The following MAGI2 variants were observed in gnomAD, a reference collection of about 807,000 sequenced individuals.
The protein encoded by MAGI2 is membrane associated guanylate kinase, WW and PDZ domain containing 2, also known as membrane-associated guanylate kinase, WW and PDZ domain-containing protein 2.
MAGI2 carries 35 observed loss-of-function variants against 133.3 expected under a neutral mutation model. The ratio of observed to expected loss-of-function variants is 0.26; its 90% CI spans 0.20 to 0.35. The LOEUF (loss-of-function observed/expected upper bound fraction) is 0.35, where lower values mean the gene tolerates loss of function less well. MAGI2 is among the 10% of genes least tolerant of loss of function. MAGI2 has a pLI of 1.00. For missense variants in MAGI2, 1,636 were observed against 1,863.4 expected, an observed-to-expected ratio of 0.88 and a Z score of 2.25; for synonymous variants, 729 against 710.6, an observed-to-expected ratio of 1.03 and a Z score of -0.41.
intron 1 of MAGI2, among the ~76,000 whole-genome samples, chr7:79,143,197 C>T (rs749153548): frequency 1.3e-5 from 2 of 152,126 alleles, no homozygotes; most frequent in Non-Finnish European, 2.9e-5. Flanking sequence ...CACAATTTTA[C>T]ATAGTGCTGC....
At chr7:78,886,243 A>G (rs1384918520) in intron 2 of MAGI2, among the ~76,000 whole-genome samples, 1 of 152,192 alleles carries the variant, frequency 6.6e-6, no homozygotes, top group Non-Finnish European at 1.5e-5. Context: ...AGTTTAGGGG[A>G]CAAATATTTT....
chr7:79,018,413 G>T (rs1356043373), intron 1 of MAGI2, among the ~76,000 whole-genome samples: 2 of 152,114 alleles, frequency 1.3e-5, no homozygotes, highest in Admixed American at 1.3e-4. Flanking sequence ...GTTATGAAAA[G>T]GACAAACTGT....
intron 2 of MAGI2, among the ~76,000 whole-genome samples, chr7:78,677,211 C>T (rs1415165121): frequency 6.6e-6 from 1 of 151,902 alleles, no homozygotes; most frequent in East Asian, 1.9e-4. Context: ...TACTGCTTTG[C>T]TATACTGTAG....
chr7:78,626,035 G>A (rs184819009), intron 3 of MAGI2, among the ~76,000 whole-genome samples: 1 of 152,234 alleles, frequency 6.6e-6, no homozygotes, highest in Admixed American at 6.5e-5. Flanking sequence ...AGAAAGTAGA[G>A]GGCCCAACTG....
At chr7:79,053,994 C>T (rs141806818) in intron 1 of MAGI2, among the ~76,000 whole-genome samples, 1 of 152,056 alleles carries the variant, frequency 6.6e-6, no homozygotes, top group East Asian at 1.9e-4. Flanking sequence ...GTCGGGAGTT[C>T]GAGATCAGCC....
At chr7:78,396,099 C>A (rs886367934) in intron 6 of MAGI2, among the ~76,000 whole-genome samples, 3 of 152,190 alleles carry the variant, frequency 2.0e-5, no homozygotes, top group Non-Finnish European at 4.4e-5. Context: ...AATCAGCCTA[C>A]AGGACAATTT....
chr7:78,045,300 G>A (rs1470505635), intron 21 of MAGI2, among the ~76,000 whole-genome samples: 3 of 152,216 alleles, frequency 2.0e-5, no homozygotes, highest in African/African-American at 7.2e-5. Flanking sequence ...TTTGGTTGGG[G>A]TCTTATTTTT....
chr7:78,672,173 T>G (rs1467586508), intron 2 of MAGI2, among the ~76,000 whole-genome samples: 1 of 152,090 alleles, frequency 6.6e-6, no homozygotes, highest in Non-Finnish European at 1.5e-5. Context: ...TGGGGCCTAG[T>G]GGGAAATGTT....
At chr7:79,273,391 C>T (rs1835015826) in intron 1 of MAGI2, among the ~76,000 whole-genome samples, 1 of 151,954 alleles carries the variant, frequency 6.6e-6, no homozygotes, top group African/African-American at 2.4e-5. Flanking sequence ...ATTTTCTCAG[C>T]CCAGAGACAT....
chr7:78,327,262 C>G (rs1788680859), intron 9 of MAGI2, among the ~76,000 whole-genome samples: 1 of 152,220 alleles, frequency 6.6e-6, no homozygotes, highest in Non-Finnish European at 1.5e-5. Context: ...ACATAGCAAC[C>G]TCATGCCAAA....
intron 21 of MAGI2, among the ~76,000 whole-genome samples, chr7:78,055,476 C>G (rs1186317147): frequency 6.6e-6 from 1 of 152,158 alleles, no homozygotes; most frequent in Non-Finnish European, 1.5e-5. Context: ...CCTAGAGTGG[C>G]TGTCAAGACA....
chr7:78,651,167 C>A (rs1811518462), intron 2 of MAGI2, among the ~76,000 whole-genome samples: 1 of 152,064 alleles, frequency 6.6e-6, no homozygotes, highest in Non-Finnish European at 1.5e-5. Flanking sequence ...TAGTTTTGAT[C>A]CAGTAGTAGT....
intron 6 of MAGI2, among the ~76,000 whole-genome samples, chr7:78,474,345 T>C (rs532050506): frequency 6.6e-6 from 1 of 152,038 alleles, no homozygotes; most frequent in Non-Finnish European, 1.5e-5. Context: ...GCTTAGGAGA[T>C]GGGATTTTCA....
chr7:78,858,977 TTTACCATTATGTAATGGCC>T (rs1164132367), intron 2 of MAGI2, among the ~76,000 whole-genome samples: 13 of 152,336 alleles, frequency 8.5e-5, no homozygotes, highest in South Asian at 8.3e-4. Flanking sequence ...AATTGATCCC[TTTACCATTATGTAATGGCC>T]TTATTTGTCT....
intron 2 of MAGI2, among the ~76,000 whole-genome samples, chr7:78,994,646 A>G (rs563549154): frequency 6.6e-6 from 1 of 152,128 alleles, no homozygotes; most frequent in African/African-American, 2.4e-5. Context: ...CATCAGATAG[A>G]CCTAGGTTTG....
At chr7:79,404,887 T>C (rs1563193093) in intron 1 of MAGI2, among the ~76,000 whole-genome samples, 1 of 152,170 alleles carries the variant, frequency 6.6e-6, no homozygotes, top group Non-Finnish European at 1.5e-5. Flanking sequence ...ATATGTGTCC[T>C]CCTAGGCCCA....
intron 1 of MAGI2, among the ~76,000 whole-genome samples, chr7:79,290,882 G>T (rs1836426298): frequency 6.6e-6 from 1 of 151,982 alleles, no homozygotes; most frequent in South Asian, 2.1e-4. Context: ...CCATAAAATA[G>T]TTGTTTTAAA....
chr7:78,244,167 T>TAAAAAAAAAAAAAAAA (rs535442682), intron 10 of MAGI2, among the ~76,000 whole-genome samples: 4 of 68,832 alleles, frequency 5.8e-5, no homozygotes, highest in Non-Finnish European at 8.6e-5. Context: ...CTATTTAAAT[T>TAAAAAAAAAAAAAAAA]AAAAAAAAAA....
At chr7:79,213,222 ATATGTGTGTGTGTGTG>A in intron 1 of MAGI2, among the ~76,000 whole-genome samples, 1 of 151,258 alleles carries the variant, frequency 6.6e-6, no homozygotes, top group African/African-American at 2.4e-5. Flanking sequence ...CTGTATATAT[ATATGTGTGTGTGTGTG>A]TATATATGTG....
Sources: gnomAD v4.1 joint callset for allele counts (sites outside exome capture counted in the v4.1 genomes callset) on GRCh38, gnomAD v4.1.1 for gene constraint, MANE v1.5 for transcripts, NCBI Gene and HGNC (gene_info 2026-07-23, HGNC 2026-07-21) for gene names.